The following AJAP1 variants were observed in gnomAD, a reference collection of about 807,000 sequenced individuals.
AJAP1 encodes the protein adherens junction-associated protein 1.
A neutral mutation model predicts 35.0 loss-of-function variants in AJAP1; 5 were observed. That is an observed-to-expected ratio of 0.14 (90% CI 0.07 to 0.30). The LOEUF is 0.30. Ranked by LOEUF, AJAP1 falls within the 10% of genes least tolerant of loss-of-function variation. The probability of loss-of-function intolerance (pLI) is 1.00; values close to 1 mark genes in which losing one functional copy is unlikely to be tolerated. For synonymous variants in AJAP1, 284 were observed against 249.3 expected (o/e 1.14, Z -1.31); for missense variants, 586 against 571.0 (o/e 1.03, Z -0.27).
chr1:4,747,890 G>A (rs1043121400), intron 2 of AJAP1, among the ~76,000 whole-genome samples: 9 of 151,860 alleles, frequency 5.9e-5, no homozygotes, highest in Admixed American at 3.9e-4. Context: ...TACTTGGGAG[G>A]CTGAGGCACG....
Position 4,655,278 on chromosome 1 carries a change from C to A in AJAP1, c.-148C>A, listed in dbSNP as rs960359107. 4.4e-6 allele frequency: 2 copies of A among 452,468 alleles called. No homozygotes were observed. The highest frequency in any genetic ancestry group is 2.2e-5 in the African/African-American group (1 of 46,060). 28.0% of individuals were successfully genotyped at this position (452,468 alleles called of 1,614,324 possible). A position where few individuals can be genotyped will look rare whatever the true frequency, so the allele number is the denominator to read the frequency against. ...AGCCCCGCGCGGCCGCGCTCTGACT[C>A]GCTGTGCGCCCCGCGGCCGGCGGGC... On this transcript the variant is annotated 5_prime_UTR_variant, in exon 1 of 6. Coordinates refer to ENST00000378191, the MANE Select transcript of AJAP1 (RefSeq NM_018836.4). The surrounding 1 kb of genome is among the most constrained non-coding windows in gnomAD (Gnocchi z 6.9).
At chr1:4,766,106 G>A (rs914838964) in intron 2 of AJAP1, among the ~76,000 whole-genome samples, 2 of 152,180 alleles carry the variant, frequency 1.3e-5, no homozygotes, top group African/African-American at 2.4e-5. Context: ...CCTAAATCAC[G>A]TATCTGTAAA....
At position 4,774,462 on chromosome 1, in the gene AJAP1, C is replaced by G. The variant is rs773615241; in HGVS notation, c.1199C>G (p.Ala400Gly). Residue 400 changes from alanine (A) to glycine (G), a missense_variant, in exon 5 of 6, where the codon GCC becomes GGC. Ala to Gly is a moderately conservative substitution (Grantham distance 60). Transcript: ENST00000378191. ...TCTGATCGGCATCTTATTCCTGTGG[C>G]CTTCGTGTCTGAGAAATGGTTTGAA... The part of the protein sequence containing the change: ...SSSDRHLIPV[A>G]FVSEKWFEIS... The G allele has an allele frequency of 1.4e-5, 23 of 1,614,232 alleles. No homozygotes were observed. Among genetic ancestry groups the G allele is most frequent in the Non-Finnish European group, 1.9e-5 (22 of 1,180,042 alleles).
Position 4,712,675 on chromosome 1 carries a change from C to A in AJAP1, c.805C>A (p.Pro269Thr). 1 of 1,515,792 alleles carries A rather than the reference C, an allele frequency of 6.6e-7. No homozygotes were observed. The allele number at this position is 1,515,792 out of a possible 1,614,324, so 93.9% of individuals were successfully genotyped here. A position where few individuals can be genotyped will look rare whatever the true frequency, so the allele number is the denominator to read the frequency against. Residue 269 changes from proline (P) to threonine (T), a missense_variant, in exon 2 of 6, where the codon CCA becomes ACA. Coordinates refer to ENST00000378191, the MANE Select transcript of AJAP1 (RefSeq NM_018836.4). ...PSNNGEVTQPPRILGEASGLA... is the reference protein window; with the variant it reads ...PSNNGEVTQPTRILGEASGLA... Reference sequence around the variant, plus strand: ...CAACAACGGGGAAGTCACCCAGCCCCCAAGGATTCTGGGGGAGGCCTCAGG... The same window carrying A: ...CAACAACGGGGAAGTCACCCAGCCCACAAGGATTCTGGGGGAGGCCTCAGG...
intron 1 of AJAP1, among the ~76,000 whole-genome samples, chr1:4,662,534 T>C (rs1197546499): frequency 6.6e-6 from 1 of 152,216 alleles, no homozygotes; most frequent in African/African-American, 2.4e-5. Flanking sequence ...AGCGCTGCCA[T>C]GAACTTCGCG....
chr1:4,699,572 A>C (rs1639942067), intron 1 of AJAP1, among the ~76,000 whole-genome samples: 1 of 152,150 alleles, frequency 6.6e-6, no homozygotes, highest in South Asian at 2.1e-4. Flanking sequence ...TGTCACCGGG[A>C]AACAGTGTGG....
In AJAP1 at chr1:4,656,026, C is replaced by T. The variant is rs1044511078; in HGVS notation, c.29+572C>T. 1.6e-4 allele frequency among the ~76,000 whole-genome samples: 24 copies of T among 152,178 alleles called. No homozygotes were observed. The highest frequency in any genetic ancestry group is 2.8e-4 in the Non-Finnish European group (19 of 67,984). On this transcript the variant is annotated intron_variant, in intron 1 of 5. Coordinates refer to ENST00000378191, the MANE Select transcript of AJAP1 (RefSeq NM_018836.4). This position sits in a 1 kb window ranked among gnomAD's most constrained non-coding sequence, Gnocchi z 5.7. Reference sequence around the variant, plus strand: ...CAGCTGTTTGCGGGTGACCTCCGGGCCCGACGGGCGCTCACAGCTGGCGGG... The same window carrying T: ...CAGCTGTTTGCGGGTGACCTCCGGGTCCGACGGGCGCTCACAGCTGGCGGG...
chr1:4,743,176 A>G (rs1411071016), intron 2 of AJAP1, among the ~76,000 whole-genome samples: 1 of 152,262 alleles, frequency 6.6e-6, no homozygotes, highest in African/African-American at 2.4e-5. Flanking sequence ...TGAAATGGAC[A>G]TGTGTTCTCT....
intron 5 of AJAP1, among the ~76,000 whole-genome samples, chr1:4,777,052 C>T (rs1291649436): frequency 3.3e-5 from 5 of 152,170 alleles, no homozygotes; most frequent in East Asian, 1.9e-4. Flanking sequence ...TTGCCGATTG[C>T]GGGACAGACC....
rs559525824 is a variant in AJAP1 at position 4,655,939 on chromosome 1, C to T, written c.29+485C>T. 5.9e-5 allele frequency among the ~76,000 whole-genome samples: 9 copies of T among 152,098 alleles called. No individual in the cohort carries two copies. The highest frequency in any genetic ancestry group is 1.9e-4 in the African/African-American group (8 of 41,534). On this transcript the variant is annotated intron_variant, in intron 1 of 5. Coordinates refer to ENST00000378191, the MANE Select transcript of AJAP1 (RefSeq NM_018836.4). The surrounding 1 kb of genome is among the most constrained non-coding windows in gnomAD (Gnocchi z 6.9). ...ACAGCCAAACAGCCACTCCGCTCCC[C>T]CTTCTCCTTTCTCGGGGCCCCGGGG...
chr1:4,686,645 CACTGTT>C (rs1639614463), intron 1 of AJAP1, among the ~76,000 whole-genome samples: 1 of 152,196 alleles, frequency 6.6e-6, no homozygotes, highest in African/African-American at 2.4e-5. Context: ...ATTCATTTCT[CACTGTT>C]ACTGTTCCGA....
chr1:4,721,807 C>T (rs1640521848), intron 2 of AJAP1, among the ~76,000 whole-genome samples: 1 of 152,188 alleles, frequency 6.6e-6, no homozygotes. Flanking sequence ...TACACACTGC[C>T]AATGCACCTT....
intron 2 of AJAP1, among the ~76,000 whole-genome samples, chr1:4,738,210 A>G (rs1640975153): frequency 6.6e-6 from 1 of 152,194 alleles, no homozygotes; most frequent in African/African-American, 2.4e-5. Context: ...GCCATGCATG[A>G]TGAGGCATGA....
rs933427579 is a variant in AJAP1 at position 4,699,596 on chromosome 1, T to C, written c.30-12304T>C. On this transcript the variant is annotated intron_variant, in intron 1 of 5. Transcript: ENST00000378191. Reference sequence around the variant, plus strand: ...GAAACAGTGTGGGTGATCTGTGGAATGCTCTCTGTGAGGAATGCATTTTCC... The same window carrying C: ...GAAACAGTGTGGGTGATCTGTGGAACGCTCTCTGTGAGGAATGCATTTTCC... Among the ~76,000 whole-genome samples, 15 of 152,156 alleles carry C rather than the reference T, an allele frequency of 9.9e-5. 1 individual carries two copies. Among genetic ancestry groups the C allele is most frequent in the Admixed American group, 6.5e-5 (1 of 15,278 alleles).
chr1:4,748,097 C>T (rs898567801), intron 2 of AJAP1, among the ~76,000 whole-genome samples: 1 of 152,092 alleles, frequency 6.6e-6, no homozygotes, highest in African/African-American at 2.4e-5. Context: ...TGCAGCCCTA[C>T]ACAGTGTCAA....
In AJAP1 at chr1:4,715,915, TG is replaced by T. The variant is rs554213261; in HGVS notation, c.829+3222del. Among the ~76,000 whole-genome samples the T allele has an allele frequency of 2.3e-3, 356 of 152,312 alleles. 1 individual carries two copies. Among genetic ancestry groups the T allele is most frequent in the Non-Finnish European group, 3.8e-3 (258 of 68,020 alleles). On this transcript the variant is annotated intron_variant, in intron 2 of 5. Transcript: ENST00000378191. ...AGACACAGCCAGCTTTGCCACATAC[TG>T]GGGGGCACCCCAAAATTTGGAATTG...
In AJAP1 at chr1:4,782,938, C is replaced by T. The variant is rs1013079201; in HGVS notation, c.*453C>T. 10 of 397,894 alleles carry T rather than the reference C, an allele frequency of 2.5e-5. No homozygotes were observed. The highest frequency in any genetic ancestry group is 4.0e-5 in the Non-Finnish European group (9 of 225,828). 24.6% of individuals were successfully genotyped at this position (397,894 alleles called of 1,614,324 possible). A position where few individuals can be genotyped will look rare whatever the true frequency, so the allele number is the denominator to read the frequency against. On this transcript the variant is annotated 3_prime_UTR_variant, in exon 6 of 6. Coordinates refer to ENST00000378191, the MANE Select transcript of AJAP1 (RefSeq NM_018836.4). This position sits in a 1 kb window ranked among gnomAD's most constrained non-coding sequence, Gnocchi z 5.3. ...GCTCGGCCGCAGAGCCGGGGCCCAGCGAATCACGCAGAGAAATCTTACAGA... is the reference window on the plus strand; with the variant it reads ...GCTCGGCCGCAGAGCCGGGGCCCAGTGAATCACGCAGAGAAATCTTACAGA...
At chr1:4,664,499 A>C (rs1191066461) in intron 1 of AJAP1, among the ~76,000 whole-genome samples, 2 of 152,166 alleles carry the variant, frequency 1.3e-5, no homozygotes, top group African/African-American at 4.8e-5. Flanking sequence ...GTTGGGCCCA[A>C]GGGTCAGCCC....
intron 5 of AJAP1, among the ~76,000 whole-genome samples, chr1:4,781,542 G>A (rs1411419342): frequency 6.6e-6 from 1 of 152,236 alleles, no homozygotes. Context: ...TTCATTTTTG[G>A]ATCAGCGGGT....
Sources: gnomAD v4.1 joint callset for allele counts (sites outside exome capture counted in the v4.1 genomes callset) on GRCh38, gnomAD v4.1.1 for gene constraint, Gnocchi (gnomAD v3.1) non-coding constraint, MANE v1.5 for transcripts, NCBI Gene and HGNC (gene_info 2026-07-23, HGNC 2026-07-21) for gene names.